Variants in SLC7A2 observed in about 807,000 individuals in gnomAD.
SLC7A2 encodes the protein solute carrier family 7 member 2, also known as cationic amino acid transporter 2.
SLC7A2 carries 48 observed loss-of-function variants against 58.9 expected under a neutral mutation model. The ratio of observed to expected loss-of-function variants is 0.82; its 90% CI spans 0.65 to 1.04. SLC7A2 has a LOEUF of 1.04. Among genes scored for constraint, SLC7A2 ranks in the 50% least tolerant of loss-of-function variants. The pLI, the probability that SLC7A2 is intolerant of heterozygous loss-of-function variation, is 0.00. For missense variants in SLC7A2, 1,029 were observed against 818.8 expected, an observed-to-expected ratio of 1.26 and a Z score of -3.13; for synonymous variants, 363 against 314.5, an observed-to-expected ratio of 1.15 and a Z score of -1.63.
chr8:17,551,814 T>A lies in SLC7A2; in HGVS notation c.883T>A (p.Ser295Thr). The A allele has an allele frequency of 6.2e-7, 1 of 1,613,984 alleles. No homozygotes were observed. The highest frequency in any genetic ancestry group is 8.5e-7 in the Non-Finnish European group (1 of 1,179,998). ...AGCTATTCCCATTGGAATTGTGACG[T>A]CTTTGCTTGTTTGCTTTATGGCCTA... ...QKAIPIGIVT[S>T]LLVCFMAYFG... Residue 295 changes from serine to threonine, a missense_variant, in exon 7 of 13, where the codon TCT becomes ACT. By Grantham distance (58) the Ser-to-Thr change is moderately conservative. Coordinates refer to ENST00000494857, the MANE Select transcript of SLC7A2 (RefSeq NM_001370338.1).
At chr8:17,531,174 C>A (rs1463970634) in intron 2 of SLC7A2, among the ~76,000 whole-genome samples, 1 of 152,112 alleles carries the variant, frequency 6.6e-6, no homozygotes, top group Non-Finnish European at 1.5e-5. Flanking sequence ...TGCTGAAAGA[C>A]CTGAAGGTCA....
At chr8:17,548,581 A>G (rs1435671810) in intron 4 of SLC7A2, 97 bp from the exon 5 acceptor site, 1 of 828,418 alleles carries the variant, frequency 1.2e-6, no homozygotes, top group East Asian at 2.5e-5. Flanking sequence ...AAAGACATGA[A>G]TGCTGGTGAA....
intron 8 of SLC7A2, among the ~76,000 whole-genome samples, chr8:17,556,253 G>A (rs1382106160): frequency 6.6e-6 from 1 of 151,796 alleles, no homozygotes; most frequent in Non-Finnish European, 1.5e-5. Flanking sequence ...TTGACAAAGA[G>A]TCATACGTTT....
chr8:17,551,704 A>G, intron 6 of SLC7A2, 60 bp from the exon 7 acceptor site: 1 of 1,251,296 alleles, frequency 8.0e-7, no homozygotes. Context: ...CACACAATTT[A>G]ATTTCTTTAC....
chr8:17,548,791 G>A lies in SLC7A2; in HGVS notation c.646G>A (p.Ala216Thr), dbSNP rs769127533. 8 of 1,613,894 alleles carry A rather than the reference G, an allele frequency of 5.0e-6. No homozygotes were observed. The South Asian group carries it at 6.6e-5, about 13-fold the overall frequency. The change falls in exon 5 of 13, where the codon GCA becomes ACA. Residue 216 changes from alanine to threonine, a missense_variant. Ala to Thr is a moderately conservative substitution (Grantham distance 58). Coordinates refer to ENST00000494857, the MANE Select transcript of SLC7A2 (RefSeq NM_001370338.1). Reference protein sequence around the residue: ...MVAGFVKGNVANWKISEEFLK... With the variant: ...MVAGFVKGNVTNWKISEEFLK... ...TGCTGGGTTTGTGAAAGGAAATGTG[G>A]CAAACTGGAAGATTAGTGAAGAGTT...
intron 4 of SLC7A2, among the ~76,000 whole-genome samples, chr8:17,545,092 T>C (rs764212390): frequency 1.3e-5 from 2 of 152,228 alleles, no homozygotes; most frequent in Non-Finnish European, 2.9e-5. Flanking sequence ...GTCGACATTA[T>C]ATAGGCAAAC....
intron 3 of SLC7A2, 129 bp downstream of exon 3, chr8:17,543,844 C>G: frequency 1.3e-6 from 1 of 764,314 alleles, no homozygotes; most frequent in Non-Finnish European, 1.9e-6. Flanking sequence ...TTTGTCATCT[C>G]GAAAATGTCT....
intron 2 of SLC7A2, among the ~76,000 whole-genome samples, chr8:17,512,884 A>G (rs1800661484): frequency 1.3e-5 from 2 of 152,154 alleles, no homozygotes; most frequent in African/African-American, 4.8e-5. Context: ...GGAATCAGAC[A>G]GTGTTTTGCC....
intron 2 of SLC7A2, chr8:17,511,277 C>A (rs976749257): frequency 6.6e-6 from 1 of 152,074 alleles, no homozygotes; most frequent in Admixed American, 6.6e-5. Context: ...AAAAAAAAAT[C>A]TATAGAAAAA....
chr8:17,542,813 G>T (rs1471286927), intron 2 of SLC7A2, among the ~76,000 whole-genome samples: 2 of 151,864 alleles, frequency 1.3e-5, no homozygotes, highest in African/African-American at 4.8e-5. Flanking sequence ...TTTTAGCTTG[G>T]ACATGGTGGC....
intron 2 of SLC7A2, among the ~76,000 whole-genome samples, chr8:17,523,996 G>A (rs1801121674): frequency 6.6e-6 from 1 of 152,076 alleles, no homozygotes; most frequent in Non-Finnish European, 1.5e-5. Flanking sequence ...ACAAGCATAT[G>A]GAAAAATGTT....
intron 2 of SLC7A2, among the ~76,000 whole-genome samples, chr8:17,525,954 G>GAA (rs1801206392): frequency 6.6e-6 from 1 of 152,140 alleles, no homozygotes; most frequent in Non-Finnish European, 1.5e-5. Context: ...TCATGATGGG[G>GAA]AAGTAATTTG....
At chr8:17,496,913 C>T (rs1051400954), upstream of SLC7A2, among the ~76,000 whole-genome samples, 3 of 151,780 alleles carry the variant, frequency 2.0e-5, no homozygotes, top group Non-Finnish European at 4.4e-5. Context: ...CAGGCAAACC[C>T]CGCTGAGCAG....
chr8:17,561,880 T>G, intron 10 of SLC7A2, 64 bp from the exon 11 acceptor site: 4 of 1,501,832 alleles, frequency 2.7e-6, no homozygotes, highest in Non-Finnish European at 2.8e-6. Context: ...ATATGCTGTT[T>G]TGCACCAAGC....
At chr8:17,522,471 A>T in intron 2 of SLC7A2, among the ~76,000 whole-genome samples, 1 of 152,134 alleles carries the variant, frequency 6.6e-6, no homozygotes, top group East Asian at 1.9e-4. Context: ...GCTTGAGTAG[A>T]TTGTGCGCTT....
chr8:17,510,442 C>T (rs1162937555), intron 2 of SLC7A2, among the ~76,000 whole-genome samples: 2 of 152,142 alleles, frequency 1.3e-5, no homozygotes, highest in Non-Finnish European at 2.9e-5. Context: ...AATTTACATT[C>T]CCACCAACAG....
At position 17,561,963 on chromosome 8, in the gene SLC7A2, G is replaced by A. The variant is rs760075459; in HGVS notation, c.1524G>A (p.Leu508=). ...CTGCAGCTTTCCTCGTGTTGGGCCT[G>A]AGTGTCTTGACCACTTACGGAGTTC... The part of the protein sequence containing the change: ...VGFLAFLVLG[L]SVLTTYGVHA... Residue 508 remains leucine, a synonymous_variant, in exon 11 of 13, where the codon CTG becomes CTA. Transcript: ENST00000494857. The A allele has an allele frequency of 3.1e-6, 5 of 1,614,126 alleles. No individual in the cohort carries two copies. The East Asian group carries it at 6.7e-5, about 22-fold the overall frequency.
chr8:17,521,693 G>A (rs571072100), intron 2 of SLC7A2, among the ~76,000 whole-genome samples: 5 of 152,356 alleles, frequency 3.3e-5, no homozygotes, highest in Non-Finnish European at 7.3e-5. Flanking sequence ...TTAGCATGGG[G>A]TGCTGCGGTA....
At chr8:17,550,803 C>G (rs926182648) in intron 6 of SLC7A2, among the ~76,000 whole-genome samples, 1 of 152,184 alleles carries the variant, frequency 6.6e-6, no homozygotes, top group Non-Finnish European at 1.5e-5. Flanking sequence ...TGATCATGTT[C>G]TTAAATGGTC....
Sources: gnomAD v4.1 joint callset for allele counts (sites outside exome capture counted in the v4.1 genomes callset) on GRCh38, gnomAD v4.1.1 for gene constraint, MANE v1.5 for transcripts, NCBI Gene and HGNC (gene_info 2026-07-23, HGNC 2026-07-21) for gene names.